The following PARP4 variants were observed in gnomAD, a reference collection of about 807,000 sequenced individuals.
PARP4 encodes protein mono-ADP-ribosyltransferase PARP4.
In PARP4, 120 loss-of-function variants were observed where a neutral mutation model predicts 187.7. That is an observed-to-expected ratio of 0.64 (90% CI 0.55 to 0.74). PARP4 has a LOEUF of 0.74. Ranked by LOEUF, PARP4 falls within the 30% of genes least tolerant of loss-of-function variation. The probability of loss-of-function intolerance (pLI) is 0.00; values close to 1 mark genes in which losing one functional copy is unlikely to be tolerated. For synonymous variants in PARP4, 654 were observed against 740.9 expected (o/e 0.88, Z 1.90); for missense variants, 1,836 against 2,070.5 (o/e 0.89, Z 2.20).
chr13:24,435,648 A>G (rs8000215), intron 30 of PARP4, among the ~76,000 whole-genome samples, 174 bp from the exon 31 acceptor site: 60,358 of 152,090 alleles, frequency 0.4, 12,218 homozygotes, highest in African/African-American at 0.46. Flanking sequence ...TGCGTGCAGC[A>G]GCTCACGCGT....
chr13:24,431,503 G>A (rs776161455), intron 31 of PARP4, 27 bp from the exon 32 acceptor site: 1 of 1,400,906 alleles, frequency 7.1e-7, no homozygotes, highest in South Asian at 1.2e-5. Flanking sequence ...ACAAAAATAA[G>A]TTATGTTATT....
chr13:24,443,505 A>G, intron 28 of PARP4, 145 bp downstream of exon 28: 1 of 642,922 alleles, frequency 1.6e-6, no homozygotes, highest in Non-Finnish European at 2.8e-6. Context: ...CATCCCAGGC[A>G]CAGTGTCACA....
rs192475097 is a variant in PARP4 at position 24,478,940 on chromosome 13, A to T, written c.1449-664T>A. Among the ~76,000 whole-genome samples, 818 of 152,350 alleles carry T rather than the reference A, an allele frequency of 5.4e-3. 7 individuals carry two copies. The highest frequency in any genetic ancestry group is 0.019 in the African/African-American group (784 of 41,590). On this transcript the variant is annotated intron_variant, in intron 12 of 33. Transcript: ENST00000381989. The stretch of plus-strand genomic sequence containing the variant: ...CACCTTATTAATTAGGAAAAAGTAG[A>T]TTTAATTCTCTGCACTAAAGCTCAG...
intron 15 of PARP4, among the ~76,000 whole-genome samples, chr13:24,474,029 T>C (rs1435266263): frequency 1.3e-5 from 2 of 152,194 alleles, no homozygotes; most frequent in African/African-American, 2.4e-5. Context: ...GTCTCCTCCC[T>C]GGTCCTATGT....
At chr13:24,505,139 G>C (rs575561155) in intron 1 of PARP4, among the ~76,000 whole-genome samples, 3 of 150,106 alleles carry the variant, frequency 2.0e-5, no homozygotes, top group Admixed American at 6.7e-5. Context: ...GTTAAAGAAA[G>C]ACACACACAC....
intron 12 of PARP4, among the ~76,000 whole-genome samples, chr13:24,480,056 G>A (rs11838589): frequency 0.014 from 2,045 of 149,314 alleles, 44 homozygotes; most frequent in African/African-American, 0.049. Flanking sequence ...AAGAAACTCC[G>A]AACACATCTG....
In PARP4 at chr13:24,484,329, G is replaced by A. The variant is rs544656595; in HGVS notation, c.1448+324C>T. Among the ~76,000 whole-genome samples the A allele has an allele frequency of 3.3e-5, 5 of 152,190 alleles. No homozygotes were observed. The East Asian group carries it at 7.7e-4, about 24-fold the overall frequency. On this transcript the variant is annotated intron_variant, in intron 12 of 33. Coordinates refer to ENST00000381989, the MANE Select transcript of PARP4 (RefSeq NM_006437.4). ...CTATAGGTTCTATTAGCGCCACCATGCACGGCTAATTTTTTAATTTTTTTG... is the reference window on the plus strand; with the variant it reads ...CTATAGGTTCTATTAGCGCCACCATACACGGCTAATTTTTTAATTTTTTTG...
intron 33 of PARP4, among the ~76,000 whole-genome samples, chr13:24,424,857 T>C (rs531667634): frequency 4.6e-5 from 7 of 150,972 alleles, no homozygotes; most frequent in African/African-American, 1.7e-4. Flanking sequence ...TTTTTTTGTA[T>C]TTTTTTTAGT....
intron 31 of PARP4, among the ~76,000 whole-genome samples, chr13:24,432,180 C>A (rs1226477319): frequency 2.1e-5 from 3 of 145,000 alleles, no homozygotes; most frequent in Non-Finnish European, 4.6e-5. Context: ...GGATCTCCAT[C>A]AGCTTGAACA....
chr13:24,459,547 G>GCA (rs1206368070), intron 18 of PARP4: 94 of 233,008 alleles, frequency 4.0e-4, no homozygotes, highest in Middle Eastern at 3.5e-3. Context: ...ACACACACAC[G>GCA]CACACACACA....
intron 7 of PARP4, among the ~76,000 whole-genome samples, chr13:24,494,142 A>C (rs553563525): frequency 2.6e-5 from 4 of 152,068 alleles, no homozygotes; most frequent in Non-Finnish European, 5.9e-5. Context: ...CTCAACTTCC[A>C]TGCCTTTCTA....
chr13:24,507,010 G>A (rs1160028277), intron 1 of PARP4, among the ~76,000 whole-genome samples: 2 of 152,350 alleles, frequency 1.3e-5, no homozygotes, highest in East Asian at 3.9e-4. Context: ...GGCCGGCACT[G>A]CTGGGGTACC....
chr13:24,478,121 TGC>T lies in PARP4; in HGVS notation c.1602_1603del (p.Gln535AsnfsTer9), dbSNP rs1873079424. ...AAAGTCTGTGGTGACAGAGGCTGTT[TGC>T]GAAACTCCATGCACACTGTCGTAGC... On this transcript the variant is annotated frameshift_variant, in exon 13 of 34. Transcript: ENST00000381989. LOFTEE classifies it high-confidence loss of function. 1.2e-6 allele frequency: 2 copies of T among 1,606,746 alleles called. No individual in the cohort carries two copies. Among genetic ancestry groups the T allele is most frequent in the Non-Finnish European group, 1.7e-6 (2 of 1,176,518 alleles).
chr13:24,458,130 G>C (rs1221365118), intron 20 of PARP4, among the ~76,000 whole-genome samples: 1 of 143,480 alleles, frequency 7.0e-6, no homozygotes, highest in African/African-American at 2.6e-5. Context: ...TTTTTTTTGA[G>C]ATGGAGTCTC....
At chr13:24,429,512 G>A (rs1466836065) in intron 32 of PARP4, among the ~76,000 whole-genome samples, 4 of 152,152 alleles carry the variant, frequency 2.6e-5, no homozygotes, top group Non-Finnish European at 5.9e-5. Flanking sequence ...GGCTTTATTA[G>A]GATGGGTCTA....
intron 10 of PARP4, among the ~76,000 whole-genome samples, chr13:24,487,764 C>G (rs1019295616): frequency 6.6e-6 from 1 of 152,096 alleles, no homozygotes; most frequent in African/African-American, 2.4e-5. Flanking sequence ...CAGAACTCAG[C>G]AAATATTCCA....
intron 20 of PARP4, 146 bp from the exon 21 acceptor site, chr13:24,456,624 T>A (rs2137477702): frequency 3.0e-6 from 2 of 677,966 alleles, no homozygotes; most frequent in East Asian, 6.2e-5. Context: ...TCCAAAATAA[T>A]GAAATGTAGG....
At chr13:24,455,319 A>G (rs1225240360) in intron 21 of PARP4, 107 bp from the exon 22 acceptor site, 1 of 654,388 alleles carries the variant, frequency 1.5e-6, no homozygotes, top group Non-Finnish European at 2.4e-6. Context: ...TAATGCTATA[A>G]AAACAGAAAG....
chr13:24,456,496 C>A lies in PARP4; in HGVS notation c.2425-18G>T, dbSNP rs555401501. On this transcript the variant is annotated intron_variant, in intron 20 of 33. Transcript: ENST00000381989. ...TCTGTGCGCTGCAAAACAAACACCG[C>A]GACAACAAGGTGAGTAATGGAGTAA... 3 of 1,578,628 alleles carry A rather than the reference C, an allele frequency of 1.9e-6. No individual in the cohort carries two copies. The highest frequency in any genetic ancestry group is 1.9e-4 in the Middle Eastern group (1 of 5,366).
Sources: allele counts gnomAD v4.1 joint callset (sites outside exome capture counted in the v4.1 genomes callset), GRCh38; gene constraint gnomAD v4.1.1; transcripts MANE v1.5; gene names NCBI Gene and HGNC (gene_info 2026-07-23, HGNC 2026-07-21).